NEBL: variants seen among roughly 807,000 people sequenced by gnomAD.
The protein encoded by NEBL is nebulette.
In NEBL, 122 loss-of-function variants were observed where a neutral mutation model predicts 140.2. The ratio of observed to expected loss-of-function variants is 0.87; its 90% confidence interval spans 0.75 to 1.01. NEBL has a LOEUF of 1.01. Ranked by LOEUF, NEBL falls within the 50% of genes least tolerant of loss-of-function variation. The pLI, the probability that NEBL is intolerant of heterozygous loss-of-function variation, is 0.00. For synonymous variants in NEBL, 436 were observed against 398.9 expected, an observed-to-expected ratio of 1.09 and a Z score of -1.11; for missense variants, 1,365 against 1,231.3, an observed-to-expected ratio of 1.11 and a Z score of -1.62.
chr10:21,021,409 GCCAAGGCCC>G (rs1237652142), intron 2 of NEBL, among the ~76,000 whole-genome samples: 1 of 152,106 alleles, frequency 6.6e-6, no homozygotes, highest in East Asian at 1.9e-4. Context: ...CCTCCTGTCT[GCCAAGGCCC>G]CCATGGCCAG....
At chr10:20,870,399 C>T (rs893103150) in intron 5 of NEBL, among the ~76,000 whole-genome samples, 1 of 148,938 alleles carries the variant, frequency 6.7e-6, no homozygotes, top group African/African-American at 2.5e-5. Context: ...AAGCACAAAA[C>T]CAATCTTAAA....
chr10:21,235,420 T>C (rs1462285790), intron 3 of NEBL, among the ~76,000 whole-genome samples: 1 of 152,186 alleles, frequency 6.6e-6, no homozygotes, highest in Non-Finnish European at 1.5e-5. Context: ...GTTCAAGCGA[T>C]TCTCCTGCCT....
intron 22 of NEBL, among the ~76,000 whole-genome samples, chr10:20,814,609 T>TACACACACACACACACACACACAC (rs1265684219): frequency 1.0e-4 from 10 of 98,312 alleles, no homozygotes; most frequent in African/African-American, 4.3e-4. Context: ...AACACACACA[T>TACACACACACACACACACACACAC]ACACACATAC....
chr10:21,106,591 T>A lies in NEBL; in HGVS notation c.164+65792A>T, dbSNP rs148990300. 7.4e-3 allele frequency among the ~76,000 whole-genome samples: 1,133 copies of A among 152,310 alleles called. 16 individuals carry two copies. Among genetic ancestry groups the A allele is most frequent in the African/African-American group, 0.025 (1,046 of 41,546 alleles). On this transcript the variant is annotated intron_variant, in intron 2 of 6. Transcript: ENST00000417816. The stretch of plus-strand genomic sequence containing the variant: ...CCAGCCTGTTTTGGTTACTATAGCC[T>A]TGTAGTATAGTTTGAAGTCAGGTAG...
At chr10:21,118,039 G>A (rs1007611045) in intron 2 of NEBL, among the ~76,000 whole-genome samples, 3 of 152,040 alleles carry the variant, frequency 2.0e-5, no homozygotes, top group African/African-American at 7.2e-5. Flanking sequence ...TGCTAACATA[G>A]CCATCATTAT....
intron 2 of NEBL, chr10:21,112,962 G>A: frequency 5.9e-6 from 2 of 340,696 alleles, no homozygotes; most frequent in South Asian, 2.8e-5. Flanking sequence ...AAAGTGATCT[G>A]CCCCTGGAAG....
intron 3 of NEBL, among the ~76,000 whole-genome samples, chr10:21,009,923 C>T (rs1365362031): frequency 1.3e-5 from 2 of 152,104 alleles, no homozygotes; most frequent in Non-Finnish European, 2.9e-5. Context: ...ACATTCAGGG[C>T]ACAATAAGGG....
chr10:21,088,222 C>G (rs1312029563), intron 2 of NEBL, among the ~76,000 whole-genome samples: 1 of 152,204 alleles, frequency 6.6e-6, no homozygotes, highest in Non-Finnish European at 1.5e-5. Context: ...AACTTCTGTC[C>G]AGGCACAGTG....
intron 3 of NEBL, among the ~76,000 whole-genome samples, chr10:20,967,059 G>A (rs1450313992): frequency 1.3e-5 from 2 of 152,066 alleles, no homozygotes; most frequent in Non-Finnish European, 2.9e-5. Flanking sequence ...ACTTGGCAAT[G>A]AATTCAAGGA....
At chr10:21,111,362 A>G (rs1838004829) in intron 2 of NEBL, among the ~76,000 whole-genome samples, 1 of 152,052 alleles carries the variant, frequency 6.6e-6, no homozygotes, top group South Asian at 2.1e-4. Flanking sequence ...GGCTACAGTA[A>G]AAACAGGCTG....
intron 2 of NEBL, among the ~76,000 whole-genome samples, chr10:21,077,315 C>A (rs139748260): frequency 6.6e-6 from 1 of 152,226 alleles, no homozygotes; most frequent in Non-Finnish European, 1.5e-5. Context: ...TTTTAAATTG[C>A]TTTTGCTGGC....
intron 3 of NEBL, among the ~76,000 whole-genome samples, chr10:20,990,018 A>G (rs903150689): frequency 2.6e-5 from 4 of 152,282 alleles, no homozygotes; most frequent in African/African-American, 9.6e-5. Flanking sequence ...GTTGTTACAG[A>G]TATCTTGAAG....
rs117617957 is a variant in NEBL, at chr10:21,061,495, T to A, written c.165-41294A>T. Among the ~76,000 whole-genome samples the A allele has an allele frequency of 7.1e-3, 1,057 of 148,236 alleles. 44 individuals are homozygous for A. The East Asian group carries it at 0.098, about 14-fold the overall frequency. Reference sequence around the variant, plus strand: ...ATCATATATTACATCATATATGATATATCATATATTACATTATATATTATA... The same window carrying A: ...ATCATATATTACATCATATATGATAAATCATATATTACATTATATATTATA... On this transcript the variant is annotated intron_variant, in intron 2 of 6. Transcript: ENST00000417816.
At chr10:21,236,438 C>T (rs942228701) in intron 3 of NEBL, among the ~76,000 whole-genome samples, 4 of 150,728 alleles carry the variant, frequency 2.7e-5, no homozygotes, top group African/African-American at 9.8e-5. Flanking sequence ...ACCTCCATTG[C>T]CCAGGTTCAA....
intron 26 of NEBL, among the ~76,000 whole-genome samples, chr10:20,798,571 C>T (rs757437393): frequency 3.9e-5 from 6 of 152,136 alleles, no homozygotes; most frequent in African/African-American, 7.2e-5. Flanking sequence ...TTCAACCATC[C>T]GATAAGCAGG....
At chr10:20,804,842 G>C (rs1227090766) in intron 26 of NEBL, among the ~76,000 whole-genome samples, 1 of 152,168 alleles carries the variant, frequency 6.6e-6, no homozygotes, top group Admixed American at 6.5e-5. Context: ...AGAATAAAAT[G>C]ATAGAAGAGT....
At chr10:21,223,055 G>A (rs536529664) in intron 3 of NEBL, among the ~76,000 whole-genome samples, 7 of 152,188 alleles carry the variant, frequency 4.6e-5, no homozygotes, top group East Asian at 3.8e-4. Flanking sequence ...GAGCCATCGC[G>A]CCTGGCTCTT....
intron 2 of NEBL, among the ~76,000 whole-genome samples, chr10:21,033,242 G>C (rs988555159): frequency 1.2e-4 from 18 of 152,054 alleles, no homozygotes; most frequent in African/African-American, 4.1e-4. Flanking sequence ...AGTATACTCT[G>C]AAAAATATCA....
At chr10:21,199,005 T>A (rs921310321) in intron 3 of NEBL, among the ~76,000 whole-genome samples, 3 of 151,546 alleles carry the variant, frequency 2.0e-5, no homozygotes, top group African/African-American at 7.3e-5. Flanking sequence ...TTTATTTTTA[T>A]TTTATTTATT....
Sources: allele counts gnomAD v4.1 joint callset (sites outside exome capture counted in the v4.1 genomes callset), GRCh38; gene constraint gnomAD v4.1.1; transcripts MANE v1.5; gene names NCBI Gene and HGNC (gene_info 2026-07-23, HGNC 2026-07-21).